Variants in DCDC2 observed in about 807,000 individuals in gnomAD.
The protein encoded by DCDC2 is doublecortin domain-containing protein 2.
A neutral mutation model predicts 50.2 loss-of-function variants in DCDC2; 40 were observed. That is an observed-to-expected ratio of 0.80 (90% CI 0.62 to 1.04). DCDC2 has a LOEUF of 1.04. Ranked by LOEUF, DCDC2 falls within the 50% of genes least tolerant of loss-of-function variation. DCDC2 has a pLI of 0.00. For missense variants in DCDC2, 570 were observed against 581.9 expected, an observed-to-expected ratio of 0.98 and a Z score of 0.21; for synonymous variants, 234 against 210.6, an observed-to-expected ratio of 1.11 and a Z score of -0.96.
intron 4 of DCDC2, among the ~76,000 whole-genome samples, chr6:24,299,751 G>GA (rs1038324201): frequency 6.6e-6 from 1 of 151,234 alleles, no homozygotes; most frequent in East Asian, 2.0e-4. Flanking sequence ...CAGTTTCTAC[G>GA]AAAAAAAATT....
At chr6:24,310,842 GT>G (rs1257677077) in intron 2 of DCDC2, among the ~76,000 whole-genome samples, 3 of 151,936 alleles carry the variant, frequency 2.0e-5, no homozygotes, top group Admixed American at 1.3e-4. Context: ...GCAAGAAAAT[GT>G]TACCACAGGA....
chr6:24,277,350 T>G (rs1402775255), intron 7 of DCDC2, among the ~76,000 whole-genome samples: 2 of 152,080 alleles, frequency 1.3e-5, no homozygotes, highest in Non-Finnish European at 2.9e-5. Context: ...CAGCCAGCCA[T>G]TCCCACCCCA....
intron 4 of DCDC2, among the ~76,000 whole-genome samples, chr6:24,291,543 T>G (rs1403944883): frequency 7.6e-6 from 1 of 131,320 alleles, no homozygotes; most frequent in East Asian, 2.5e-4. Context: ...TGGAGTGCAG[T>G]GGCAGGATCT....
rs533491421 is a variant in DCDC2 at position 24,340,122 on chromosome 6, G to C, written c.348+13447C>G. Among the ~76,000 whole-genome samples the C allele has an allele frequency of 1.4e-3, 218 of 152,196 alleles. 1 individual carries two copies. The highest frequency in any genetic ancestry group is 5.2e-3 in the African/African-American group (216 of 41,520). On this transcript the variant is annotated intron_variant, in intron 2 of 9. Transcript: ENST00000378454. ...ATGAACATGTAGATGAATGTGCCCT[G>C]TGCTCTCTCATCTGCAGACGTTCAC...
At chr6:24,293,939 A>C (rs1763803789) in intron 4 of DCDC2, among the ~76,000 whole-genome samples, 1 of 152,240 alleles carries the variant, frequency 6.6e-6, no homozygotes, top group Admixed American at 6.5e-5. Context: ...CTTTGGGGTA[A>C]ATAATAAAAT....
intron 8 of DCDC2, among the ~76,000 whole-genome samples, chr6:24,202,192 C>G (rs1361516093): frequency 1.3e-5 from 2 of 151,954 alleles, no homozygotes; most frequent in Non-Finnish European, 2.9e-5. Context: ...AAGAACATTT[C>G]AGGCCAATAT....
rs1760792931 is a variant in DCDC2 at position 24,172,178 on chromosome 6, A to G, written c.*2552T>C. 1 of 152,212 alleles carries G rather than the reference A, an allele frequency of 6.6e-6. No homozygotes were observed. The highest frequency in any genetic ancestry group is 6.5e-5 in the Admixed American group (1 of 15,286). The allele number at this position is 152,212 out of a possible 1,614,324, so 9.4% of individuals were successfully genotyped here. A position where few individuals can be genotyped will look rare whatever the true frequency, so the allele number is the denominator to read the frequency against. ...TAAAGTCATCTCTGAAGTGACATCC[A>G]CAATTTTAATTCCAAGTGAATGGTT... On this transcript the variant is annotated 3_prime_UTR_variant, in exon 10 of 10. Coordinates refer to ENST00000378454, the MANE Select transcript of DCDC2 (RefSeq NM_016356.5).
chr6:24,377,154 T>C, the DCDC2 span, among the ~76,000 whole-genome samples: 62 of 152,350 alleles, frequency 4.1e-4, no homozygotes, highest in African/African-American at 1.4e-3. Context: ...ATGTGTCAGA[T>C]GGACTACGTA....
At chr6:24,241,269 G>GA (rs1179948863) in intron 7 of DCDC2, among the ~76,000 whole-genome samples, 1 of 152,190 alleles carries the variant, frequency 6.6e-6, no homozygotes, top group Non-Finnish European at 1.5e-5. Flanking sequence ...AAGCTAGAAA[G>GA]AATGGTGAGT....
At chr6:24,345,985 C>T (rs1760246879) in intron 2 of DCDC2, among the ~76,000 whole-genome samples, 1 of 151,972 alleles carries the variant, frequency 6.6e-6, no homozygotes, top group Non-Finnish European at 1.5e-5. Flanking sequence ...TTGAGACCAG[C>T]CTGGCCAACA....
intron 7 of DCDC2, among the ~76,000 whole-genome samples, chr6:24,220,471 T>C (rs988496396): frequency 3.3e-5 from 5 of 152,224 alleles, no homozygotes; most frequent in Non-Finnish European, 7.3e-5. Flanking sequence ...AGCAGCATTC[T>C]TCCCTACTTT....
At chr6:24,382,001 A>AGGC in the DCDC2 span, among the ~76,000 whole-genome samples, 91 of 113,142 alleles carry the variant, frequency 8.0e-4, no homozygotes, top group East Asian at 8.2e-3. Flanking sequence ...GGAAGGAAGG[A>AGGC]AGGAAGGAAG....
chr6:24,357,242 T>A (rs1760486231), intron 1 of DCDC2: 1 of 482,386 alleles, frequency 2.1e-6, no homozygotes, highest in African/African-American at 1.9e-5. Context: ...ATTTTAAGTT[T>A]ACTCCTACTG....
chr6:24,284,199 G>A (rs928754571), intron 6 of DCDC2, among the ~76,000 whole-genome samples: 6 of 152,090 alleles, frequency 3.9e-5, no homozygotes, highest in East Asian at 1.9e-4. Context: ...CCCCCACTGC[G>A]GCCACCTAGC....
At chr6:24,288,704 T>C in intron 6 of DCDC2, 148 bp downstream of exon 6, 1 of 691,938 alleles carries the variant, frequency 1.4e-6, no homozygotes, top group Non-Finnish European at 2.5e-6. Context: ...AGTGTAACAT[T>C]AAAGTTCTAG....
At chr6:24,201,425 G>A (rs1277203634) in intron 8 of DCDC2, among the ~76,000 whole-genome samples, 1 of 152,124 alleles carries the variant, frequency 6.6e-6, no homozygotes, top group Admixed American at 6.6e-5. Context: ...CGAAATGAAG[G>A]CAGAAATAAA....
At chr6:24,275,825 C>G (rs1325839458) in intron 7 of DCDC2, among the ~76,000 whole-genome samples, 2 of 149,798 alleles carry the variant, frequency 1.3e-5, no homozygotes, top group Non-Finnish European at 3.0e-5. Flanking sequence ...TTGTTAAAAA[C>G]TACTGTGAAT....
chr6:24,312,664 G>C (rs1268242775), intron 2 of DCDC2, among the ~76,000 whole-genome samples: 5 of 152,138 alleles, frequency 3.3e-5, no homozygotes, highest in African/African-American at 1.2e-4. Context: ...CAAAGGAAAG[G>C]TTAGGGCTTA....
intron 8 of DCDC2, among the ~76,000 whole-genome samples, chr6:24,188,921 G>A (rs112416662): frequency 1.1e-4 from 17 of 151,830 alleles, no homozygotes; most frequent in South Asian, 1.0e-3. Flanking sequence ...CTAGATTAAC[G>A]GGCATGTTAC....
Sources: gnomAD v4.1 joint callset for allele counts (sites outside exome capture counted in the v4.1 genomes callset) on GRCh38, gnomAD v4.1.1 for gene constraint, MANE v1.5 for transcripts, NCBI Gene and HGNC (gene_info 2026-07-23, HGNC 2026-07-21) for gene names.